The following LSM5 variants were observed in gnomAD, a reference collection of about 807,000 sequenced individuals.
The protein encoded by LSM5 is U6 snRNA-associated Sm-like protein LSm5.
Under a neutral mutation model 13.8 loss-of-function variants are expected in LSM5, and 8 were observed. The observed-to-expected ratio is 0.58, with a 90% CI of 0.34 to 1.04. The LOEUF (loss-of-function observed/expected upper bound fraction) is 1.04. Among genes scored for constraint, LSM5 ranks in the 50% least tolerant of loss-of-function variants. The probability of loss-of-function intolerance (pLI) is 0.03; values close to 1 mark genes in which losing one functional copy is unlikely to be tolerated. For missense variants in LSM5, 80 were observed against 108.1 expected (o/e 0.74, Z 1.15); for synonymous variants, 35 against 37.0 (o/e 0.95, Z 0.20).
chr7:32,492,942 A>T, upstream of LSM5, among the ~76,000 whole-genome samples: 1 of 152,354 alleles, frequency 6.6e-6, no homozygotes, highest in Non-Finnish European at 1.5e-5. Context: ...TATTTTCCCA[A>T]TAGACATTTG....
chr7:32,493,988 A>C (rs1286897313), upstream of LSM5, among the ~76,000 whole-genome samples: 1 of 151,268 alleles, frequency 6.6e-6, no homozygotes, highest in East Asian at 1.9e-4. Flanking sequence ...AGTAGCTGGG[A>C]TTACAGGTCT....
At position 32,487,768 on chromosome 7, in the gene LSM5, A is replaced by C; in HGVS notation, c.171-11T>G. 7.5e-7 allele frequency: 1 copy of C among 1,339,996 alleles called. No homozygotes were observed. Among genetic ancestry groups the C allele is most frequent in the South Asian group, 1.2e-5 (1 of 85,532 alleles). The allele number at this position is 1,339,996 out of a possible 1,614,324, so 83.0% of individuals were successfully genotyped here. ...TCTGGTGTGATTTCACTAAATGAATAGATAAAATACAGTCAGGACAAACAG... is the reference window on the plus strand; with the variant it reads ...TCTGGTGTGATTTCACTAAATGAATCGATAAAATACAGTCAGGACAAACAG... On this transcript the variant is annotated splice_polypyrimidine_tract_variant and intron_variant, in intron 3 of 4. Coordinates refer to ENST00000450169, the MANE Select transcript of LSM5 (RefSeq NM_012322.3).
At chr7:32,488,773 A>C in intron 2 of LSM5, 121 bp from the exon 3 acceptor site, 1 of 699,188 alleles carries the variant, frequency 1.4e-6, no homozygotes, top group South Asian at 1.7e-5. Context: ...ATCCAGGCTT[A>C]AGTGCAGTGG....
chr7:32,490,491 G>C, upstream of LSM5: 1 of 757,004 alleles, frequency 1.3e-6, no homozygotes, highest in South Asian at 1.6e-5. Flanking sequence ...AGTCAGCTGC[G>C]TGGGTCGCGT....
At chr7:32,492,331 T>C (rs62466459), upstream of LSM5, among the ~76,000 whole-genome samples, 19,554 of 152,244 alleles carry the variant, frequency 0.13, 1,320 homozygotes, top group East Asian at 0.19. Flanking sequence ...AAGACCATCC[T>C]GGCCAACATG....
Position 32,485,446 on chromosome 7 carries a change from TATG to T in LSM5, c.*1812_*1814del, listed in dbSNP as rs1390898270. The T allele has an allele frequency of 6.6e-6, 1 of 152,168 alleles. No individual in the cohort carries two copies. The highest frequency in any genetic ancestry group is 1.9e-4 in the East Asian group (1 of 5,188). The allele number at this position is 152,168 out of a possible 1,614,324, so 9.4% of individuals were successfully genotyped here. On this transcript the variant is annotated 3_prime_UTR_variant, in exon 5 of 5. Coordinates refer to ENST00000450169, the MANE Select transcript of LSM5 (RefSeq NM_012322.3). ...TGCAACTACATTAAAATACATCATTTATGTCAAAAATAGCACTAAGTGGCAAAC... is the reference window on the plus strand; with the variant it reads ...TGCAACTACATTAAAATACATCATTTTCAAAAATAGCACTAAGTGGCAAAC...
At chr7:32,488,248 A>G in intron 3 of LSM5, 1 of 212,304 alleles carries the variant, frequency 4.7e-6, no homozygotes, top group Non-Finnish European at 9.3e-6. Flanking sequence ...TTTGTTGCCC[A>G]GGCTGGTCTC....
At chr7:32,494,266 G>A (rs530411903), upstream of LSM5, among the ~76,000 whole-genome samples, 5 of 152,332 alleles carry the variant, frequency 3.3e-5, no homozygotes, top group African/African-American at 9.6e-5. Flanking sequence ...GCTCAAAACA[G>A]TTAATATATT....
chr7:32,493,881 C>T (rs1444101863), upstream of LSM5, among the ~76,000 whole-genome samples: 3 of 148,790 alleles, frequency 2.0e-5, no homozygotes, highest in Non-Finnish European at 4.4e-5. Flanking sequence ...GAGGAAATCT[C>T]GCTCTTGTCC....
intron 3 of LSM5, 25 bp downstream of exon 3, chr7:32,488,600 C>A (rs773051949): frequency 1.3e-6 from 2 of 1,523,320 alleles, no homozygotes; most frequent in Non-Finnish European, 1.8e-6. Flanking sequence ...GAAGAGATTC[C>A]CCCCAATTCT....
At chr7:32,489,950 T>C (rs1786538253) in intron 1 of LSM5, 1 of 1,065,870 alleles carries the variant, frequency 9.4e-7, no homozygotes. Context: ...TTAGTGTCAC[T>C]AACCAACCAC....
upstream of LSM5, among the ~76,000 whole-genome samples, chr7:32,492,290 C>T (rs1031241938): frequency 2.6e-5 from 4 of 152,144 alleles, no homozygotes; most frequent in East Asian, 5.8e-4. Flanking sequence ...CTTTGGGGGC[C>T]GAGGTGGGCG....
At chr7:32,488,784 T>C (rs1466471743) in intron 2 of LSM5, 132 bp from the exon 3 acceptor site, 6 of 661,688 alleles carry the variant, frequency 9.1e-6, no homozygotes, top group Non-Finnish European at 1.1e-5. Context: ...AGTGCAGTGG[T>C]ACAATCACAC....
upstream of LSM5, chr7:32,490,407 A>C: frequency 6.5e-7 from 1 of 1,547,556 alleles, no homozygotes; most frequent in Non-Finnish European, 8.9e-7. Context: ...TGGTGGGACG[A>C]CTTTGAAAAG....
upstream of LSM5, chr7:32,490,493 G>A (rs1584613): frequency 2.8e-6 from 2 of 724,528 alleles, no homozygotes; most frequent in Admixed American, 4.8e-5. Flanking sequence ...TCAGCTGCGT[G>A]GGTCGCGTTC....
rs1786464760 is a variant in LSM5 at position 32,487,048 on chromosome 7, C to T, written c.*213G>A. ...ACAAAATGACAGTTAACCAAAAACA[C>T]CTTTATTTTCATCTGCAAAGAAGAA... On this transcript the variant is annotated 3_prime_UTR_variant, in exon 5 of 5. Coordinates refer to ENST00000450169, the MANE Select transcript of LSM5 (RefSeq NM_012322.3). 1 of 587,184 alleles carries T rather than the reference C, an allele frequency of 1.7e-6. No individual in the cohort carries two copies. Among genetic ancestry groups the T allele is most frequent in the African/African-American group, 1.9e-5 (1 of 52,684 alleles). 36.4% of individuals were successfully genotyped at this position (587,184 alleles called of 1,614,324 possible).
At chr7:32,491,472 G>A (rs1786585874), upstream of LSM5, among the ~76,000 whole-genome samples, 1 of 150,748 alleles carries the variant, frequency 6.6e-6, no homozygotes, top group Non-Finnish European at 1.5e-5. Context: ...TACAACAAAT[G>A]GTCATTAAGC....
chr7:32,492,978 G>T (rs1786625948), upstream of LSM5, among the ~76,000 whole-genome samples: 2 of 152,114 alleles, frequency 1.3e-5, no homozygotes, highest in South Asian at 4.1e-4. Flanking sequence ...TCTTGTTAAT[G>T]AATTTATTCT....
intron 1 of LSM5, 65 bp downstream of exon 1, chr7:32,490,255 A>T: frequency 6.2e-7 from 1 of 1,613,922 alleles, no homozygotes; most frequent in South Asian, 1.1e-5. Context: ...GCCTCGGAAC[A>T]GCCCCTCGGC....
Sources: gnomAD v4.1 joint callset for allele counts (sites outside exome capture counted in the v4.1 genomes callset) on GRCh38, gnomAD v4.1.1 for gene constraint, MANE v1.5 for transcripts, NCBI Gene and HGNC (gene_info 2026-07-23, HGNC 2026-07-21) for gene names.